LANCL2: variants seen among roughly 807,000 people sequenced by gnomAD.
LANCL2 encodes the protein lanC-like protein 2.
LANCL2 carries 33 observed loss-of-function variants against 56.9 expected under a neutral mutation model. That is an observed-to-expected ratio of 0.58 (90% CI 0.44 to 0.78). LANCL2 has a LOEUF of 0.78. LANCL2 is among the 30% of genes least tolerant of loss of function. LANCL2 has a pLI of 0.00. For synonymous variants in LANCL2, 233 were observed against 228.2 expected, an observed-to-expected ratio of 1.02 and a Z score of -0.19; for missense variants, 562 against 580.2, an observed-to-expected ratio of 0.97 and a Z score of 0.32.
intron 1 of LANCL2, among the ~76,000 whole-genome samples, chr7:55,390,776 C>T (rs2128992717): frequency 6.9e-6 from 1 of 144,004 alleles, no homozygotes; most frequent in East Asian, 2.0e-4. Flanking sequence ...GCAAAACTGT[C>T]TCAAAAAAAA....
At chr7:55,411,250 A>T (rs1790467227) in intron 5 of LANCL2, 1 of 152,218 alleles carries the variant, frequency 6.6e-6, no homozygotes, top group African/African-American at 2.4e-5. Context: ...CAGTGCCTCA[A>T]AATTAGCAAA....
At chr7:55,405,397 A>G (rs1215989085) in intron 5 of LANCL2, among the ~76,000 whole-genome samples, 2 of 151,634 alleles carry the variant, frequency 1.3e-5, no homozygotes, top group Non-Finnish European at 2.9e-5. Context: ...TTAGAGACAC[A>G]CCCAGACACC....
At chr7:55,377,128 TA>T (rs1428482225) in intron 1 of LANCL2, among the ~76,000 whole-genome samples, 1 of 152,230 alleles carries the variant, frequency 6.6e-6, no homozygotes, top group Non-Finnish European at 1.5e-5. Context: ...TGTAAAATTG[TA>T]AAAATTTATA....
chr7:55,402,563 C>T (rs1429182858), intron 5 of LANCL2, among the ~76,000 whole-genome samples: 4 of 126,088 alleles, frequency 3.2e-5, no homozygotes, highest in Admixed American at 2.2e-4. Flanking sequence ...CTGACCCCCC[C>T]ACATCCTTCC....
Position 55,384,531 on chromosome 7 carries a change from G to A in LANCL2, c.205-7262G>A, listed in dbSNP as rs368949488. On this transcript the variant is annotated intron_variant, in intron 1 of 8. Coordinates refer to ENST00000254770, the MANE Select transcript of LANCL2 (RefSeq NM_018697.4). The stretch of plus-strand genomic sequence containing the variant: ...CACGCCACTGCACTCCAGCCTGGAC[G>A]ACAGAGCAAGACTCTGTCTCTAAAA... 1.2e-4 allele frequency among the ~76,000 whole-genome samples: 19 copies of A among 152,056 alleles called. 1 individual carries two copies. Among genetic ancestry groups the A allele is most frequent in the Admixed American group, 5.2e-4 (8 of 15,276 alleles).
At chr7:55,409,080 A>C (rs895526188) in intron 5 of LANCL2, among the ~76,000 whole-genome samples, 10 of 151,786 alleles carry the variant, frequency 6.6e-5, no homozygotes, top group African/African-American at 2.4e-4. Context: ...GATAAATGGA[A>C]ATGATTTCCA....
intron 5 of LANCL2, among the ~76,000 whole-genome samples, chr7:55,405,547 G>A (rs1583757595): frequency 6.9e-6 from 1 of 144,526 alleles, no homozygotes; most frequent in South Asian, 2.2e-4. Flanking sequence ...CTAGAGTGCA[G>A]TGACACAATC....
chr7:55,377,492 C>T (rs1428584853), intron 1 of LANCL2, among the ~76,000 whole-genome samples: 1 of 151,908 alleles, frequency 6.6e-6, no homozygotes, highest in Non-Finnish European at 1.5e-5. Context: ...TCTTCTGTCT[C>T]GTCTTCCCAA....
rs138753070 is a variant in LANCL2, at chr7:55,400,080, C to T, written c.654C>T (p.Thr218=). Residue 218 remains threonine, a synonymous_variant, in exon 4 of 9, where the codon ACC becomes ACT. Transcript: ENST00000254770. ...LYLNTEIGPG[T]VCESAIKEVV... The stretch of plus-strand genomic sequence containing the variant: ...TGAACACAGAGATAGGTCCAGGCAC[C>T]GTGTGTGAGTCAGCTATTAAAGAGG... 254 of 1,608,148 alleles carry T rather than the reference C, an allele frequency of 1.6e-4. 2 individuals are homozygous for T. In the East Asian group the frequency reaches 4.6e-3, roughly 29 times the overall value.
chr7:55,408,537 C>T (rs983050580), intron 5 of LANCL2, among the ~76,000 whole-genome samples: 5 of 152,048 alleles, frequency 3.3e-5, no homozygotes, highest in East Asian at 1.9e-4. Context: ...GGCCTCATAG[C>T]GGGCACCTGC....
rs1409378155 is a variant in LANCL2, at chr7:55,415,937, G to A, written c.1008+3848G>A. ...GCCAGTTTATCATTGTTTTTCATCG[G>A]TTTCCAGGTTTTGGCTATTAGGAAC... is the stretch of plus-strand genomic sequence containing the variant. On this transcript the variant is annotated intron_variant, in intron 6 of 8. Coordinates refer to ENST00000254770, the MANE Select transcript of LANCL2 (RefSeq NM_018697.4). 3.3e-5 allele frequency among the ~76,000 whole-genome samples: 5 copies of A among 152,042 alleles called. 1 individual carries two copies. In the South Asian group the frequency reaches 8.3e-4, roughly 25 times the overall value.
At chr7:55,394,402 T>G (rs1790225947) in intron 2 of LANCL2, among the ~76,000 whole-genome samples, 1 of 152,010 alleles carries the variant, frequency 6.6e-6, no homozygotes, top group African/African-American at 2.4e-5. Context: ...CAAGACCCCA[T>G]CTCTAAAATT....
chr7:55,392,122 G>A (rs113476155), intron 2 of LANCL2, among the ~76,000 whole-genome samples: 4,416 of 152,016 alleles, frequency 0.029, 210 homozygotes, highest in African/African-American at 0.098. Flanking sequence ...GTGAAACCCC[G>A]TTTCTACTAA....
chr7:55,403,651 A>G (rs1407988806), intron 5 of LANCL2, among the ~76,000 whole-genome samples: 3 of 134,562 alleles, frequency 2.2e-5, no homozygotes, highest in Non-Finnish European at 4.7e-5. Context: ...GGCTCACTGC[A>G]ACCTCCACCT....
intron 6 of LANCL2, among the ~76,000 whole-genome samples, chr7:55,415,841 C>T (rs978726645): frequency 6.6e-6 from 1 of 152,006 alleles, no homozygotes; most frequent in Non-Finnish European, 1.5e-5. Flanking sequence ...TCTTGAACTC[C>T]TGACCTTAGG....
intron 1 of LANCL2, among the ~76,000 whole-genome samples, chr7:55,374,047 C>G (rs1789974466): frequency 6.6e-6 from 1 of 152,222 alleles, no homozygotes. Flanking sequence ...TCACTGAGAG[C>G]TTTCCATAAT....
intron 2 of LANCL2, among the ~76,000 whole-genome samples, chr7:55,398,014 A>G (rs1039372521): frequency 1.3e-5 from 2 of 152,242 alleles, no homozygotes; most frequent in Non-Finnish European, 2.9e-5. Flanking sequence ...CATTTGGGAT[A>G]ACATAGGAGA....
chr7:55,402,640 G>A (rs1790351168), intron 5 of LANCL2, among the ~76,000 whole-genome samples: 2 of 106,550 alleles, frequency 1.9e-5, no homozygotes, highest in African/African-American at 4.3e-5. Context: ...GCGGCTGGCT[G>A]GGCGGGGGGC....
At chr7:55,402,593 G>A (rs1790349757) in intron 5 of LANCL2, among the ~76,000 whole-genome samples, 1 of 2,808 alleles carries the variant, frequency 3.6e-4, no homozygotes, top group Admixed American at 3.0e-3. Context: ...CGGCTGGCCA[G>A]GCGGGGGATG....
Sources: gnomAD v4.1 joint callset for allele counts (sites outside exome capture counted in the v4.1 genomes callset) on GRCh38, gnomAD v4.1.1 for gene constraint, MANE v1.5 for transcripts, NCBI Gene and HGNC (gene_info 2026-07-23, HGNC 2026-07-21) for gene names.